The following MPP4 variants were observed in gnomAD, a reference collection of about 807,000 sequenced individuals.
MPP4 encodes MAGUK p55 subfamily member 4.
In MPP4, 91 loss-of-function variants were observed where a neutral mutation model predicts 98.3. The ratio of observed to expected loss-of-function variants is 0.93; its 90% CI spans 0.78 to 1.10. The LOEUF (loss-of-function observed/expected upper bound fraction) is 1.10. Ranked by LOEUF, MPP4 falls within the 50% of genes least tolerant of loss-of-function variation. MPP4 has a pLI of 0.00. For synonymous variants in MPP4, 261 were observed against 271.8 expected, an observed-to-expected ratio of 0.96 and a Z score of 0.39; for missense variants, 744 against 792.9, an observed-to-expected ratio of 0.94 and a Z score of 0.74.
At chr2:201,658,371 G>T in intron 16 of MPP4, 106 bp downstream of exon 16, 3 of 868,424 alleles carry the variant, frequency 3.5e-6, no homozygotes, top group Non-Finnish European at 5.5e-6. Flanking sequence ...ATGAGGAACA[G>T]GTCTGGAAAT....
chr2:201,657,479 A>G (rs892243489), intron 16 of MPP4, among the ~76,000 whole-genome samples: 1 of 152,038 alleles, frequency 6.6e-6, no homozygotes, highest in East Asian at 1.9e-4. Flanking sequence ...ATTGAAAACC[A>G]TGAGTTCACA....
intron 11 of MPP4, among the ~76,000 whole-genome samples, chr2:201,671,613 A>G (rs1468452199): frequency 6.6e-6 from 1 of 152,222 alleles, no homozygotes; most frequent in East Asian, 1.9e-4. Flanking sequence ...AGTCTCTAAT[A>G]AAACAGACTT....
At position 201,648,158 on chromosome 2, in the gene MPP4, G is replaced by A. The variant is rs903352341; in HGVS notation, c.1585-333C>T. Among the ~76,000 whole-genome samples, 4 of 152,334 alleles carry A rather than the reference G, an allele frequency of 2.6e-5. No individual in the cohort carries two copies. The East Asian group carries it at 7.7e-4, about 29-fold the overall frequency. ...GTGCCTCAGCCTCTCTAGTAGCTGG[G>A]ATTATAGGCGTGTGCCACCACACCC... On this transcript the variant is annotated intron_variant, in intron 20 of 21. Coordinates refer to ENST00000409474, the MANE Select transcript of MPP4 (RefSeq NM_033066.3).
intron 1 of MPP4, among the ~76,000 whole-genome samples, chr2:201,694,300 G>A (rs1258282887): frequency 2.0e-5 from 3 of 152,086 alleles, no homozygotes. Flanking sequence ...AGAAGTAAAT[G>A]ACAAATACTA....
rs778913606 is a variant in MPP4, at chr2:201,647,730, G to A, written c.1680C>T (p.Ala560=). 1.5e-5 allele frequency: 24 copies of A among 1,613,612 alleles called. No homozygotes were observed. The South Asian group carries it at 2.3e-4, about 16-fold the overall frequency. The part of the protein sequence containing the change: ...MRCMKQSRKN[A]KVITDYYVDM... ...CCACATAGTAGTCAGTAATAACCTT[G>A]GCATTTTTCCGAGATTGTTTCATAC... Residue 560 remains alanine, a synonymous_variant, in exon 21 of 22, where the codon GCC becomes GCT. Coordinates refer to ENST00000409474, the MANE Select transcript of MPP4 (RefSeq NM_033066.3).
Position 201,687,329 on chromosome 2 carries a change from G to C in MPP4, c.322C>G (p.Gln108Glu). ...GCCTGGAGCATTTGTCTCAGCTCTT[G>C]GATCTCAGGGGAAGTAGGGGTTTCA... ...LRETPTSPEIQELRQMLQAPH... is the reference protein window; with the variant it reads ...LRETPTSPEIEELRQMLQAPH... The change falls in exon 5 of 22, where the codon CAA (glutamine) becomes GAA (glutamate). Residue 108 changes from glutamine (Q) to glutamate (E), a missense_variant. Physicochemically the swap from Gln to Glu is conservative, Grantham distance 29. Transcript: ENST00000409474. The C allele has an allele frequency of 7.6e-6, 12 of 1,584,808 alleles. No homozygotes were observed. Among genetic ancestry groups the C allele is most frequent in the Non-Finnish European group, 9.5e-6 (11 of 1,163,784 alleles).
Position 201,669,716 on chromosome 2 carries a change from T to C in MPP4, c.1012+17A>G. The C allele has an allele frequency of 7.0e-7, 1 of 1,418,796 alleles. No homozygotes were observed. The allele number at this position is 1,418,796 out of a possible 1,614,324, so 87.9% of individuals were successfully genotyped here. A position where few individuals can be genotyped will look rare whatever the true frequency, so the allele number is the denominator to read the frequency against. On this transcript the variant is annotated intron_variant, in intron 12 of 21. Transcript: ENST00000409474. ...GACTTTGGAGATAAGAGTTTTTTCC[T>C]AAATACTATTTCTTACCTTCTTCCA...
At chr2:201,671,048 T>C (rs1403643108) in intron 11 of MPP4, among the ~76,000 whole-genome samples, 1 of 152,232 alleles carries the variant, frequency 6.6e-6, no homozygotes, top group Non-Finnish European at 1.5e-5. Context: ...CCTTTTCCCA[T>C]GTTCTTCGCA....
chr2:201,687,297 G>A lies in MPP4; in HGVS notation c.354C>T (p.His118=). 6.3e-7 allele frequency: 1 copy of A among 1,574,836 alleles called. No homozygotes were observed. Among genetic ancestry groups the A allele is most frequent in the South Asian group, 1.2e-5 (1 of 85,596 alleles). ...TATTTTAGCAGGCACTTGCCTTGAA[G>A]TGTGGAGCCTGGAGCATTTGTCTCA... ...QELRQMLQAP[H]FKALLSAHDT... Residue 118 remains histidine, a synonymous_variant, in exon 5 of 22, where the codon CAC becomes CAT. Coordinates refer to ENST00000409474, the MANE Select transcript of MPP4 (RefSeq NM_033066.3).
chr2:201,659,680 A>G (rs1365968432), intron 15 of MPP4, among the ~76,000 whole-genome samples: 1 of 152,062 alleles, frequency 6.6e-6, no homozygotes, highest in Non-Finnish European at 1.5e-5. Context: ...TAAAAATACA[A>G]AAAATTAGCC....
intron 13 of MPP4, chr2:201,665,379 C>T (rs1467461446): frequency 6.6e-6 from 1 of 152,100 alleles, no homozygotes; most frequent in African/African-American, 2.4e-5. Flanking sequence ...CACATCATTG[C>T]TTTTATGTGC....
At chr2:201,673,051 G>C (rs1346451388) in intron 11 of MPP4, among the ~76,000 whole-genome samples, 1 of 152,182 alleles carries the variant, frequency 6.6e-6, no homozygotes, top group Non-Finnish European at 1.5e-5. Flanking sequence ...TGGGATGCAA[G>C]GCTGGTTCAA....
At chr2:201,650,505 T>C (rs942910286) in intron 18 of MPP4, 3 of 985,308 alleles carry the variant, frequency 3.0e-6, no homozygotes, top group African/African-American at 1.7e-5. Flanking sequence ...CAGGTAGCAA[T>C]ACCAATAATA....
intron 18 of MPP4, among the ~76,000 whole-genome samples, chr2:201,654,148 G>A (rs1254836231): frequency 1.3e-5 from 2 of 152,004 alleles, no homozygotes; most frequent in African/African-American, 4.8e-5. Context: ...GCTAATTTTT[G>A]TATTTTAAGT....
chr2:201,674,448 G>A (rs748602889), intron 11 of MPP4, among the ~76,000 whole-genome samples: 6 of 152,194 alleles, frequency 3.9e-5, no homozygotes, highest in South Asian at 2.1e-4. Context: ...TAGGCAGGAA[G>A]CCAGCCCTGG....
intron 14 of MPP4, chr2:201,661,609 T>C (rs890881697): frequency 2.0e-5 from 9 of 455,724 alleles, no homozygotes; most frequent in Non-Finnish European, 3.1e-5. Flanking sequence ...AGGAACAAGA[T>C]TTCACAATAA....
chr2:201,687,265 T>G, intron 5 of MPP4, 26 bp downstream of exon 5: 1 of 1,548,118 alleles, frequency 6.5e-7, no homozygotes, highest in Non-Finnish European at 8.8e-7. Flanking sequence ...GATGGGGACA[T>G]CTTTTCTATT....
At chr2:201,681,829 C>T (rs561835277) in intron 8 of MPP4, among the ~76,000 whole-genome samples, 4 of 151,296 alleles carry the variant, frequency 2.6e-5, no homozygotes, top group Non-Finnish European at 2.9e-5. Flanking sequence ...GACCCCCCCC[C>T]ACCCTACACT....
intron 15 of MPP4, among the ~76,000 whole-genome samples, chr2:201,658,976 A>C (rs1574606133): frequency 6.6e-6 from 1 of 151,944 alleles, no homozygotes; most frequent in South Asian, 2.1e-4. Flanking sequence ...GGCCACTGCA[A>C]CCTCCACCTC....
Sources: gnomAD v4.1 joint callset for allele counts (sites outside exome capture counted in the v4.1 genomes callset) on GRCh38, gnomAD v4.1.1 for gene constraint, MANE v1.5 for transcripts, NCBI Gene and HGNC (gene_info 2026-07-23, HGNC 2026-07-21) for gene names.